Variants in BLTP2 observed in about 807,000 individuals in gnomAD.
The protein encoded by BLTP2 is bridge-like lipid transfer protein family member 2.
chr17:28,620,476 G>A, the BLTP2 span: 1 of 1,612,152 alleles, frequency 6.2e-7, no homozygotes, highest in Non-Finnish European at 8.5e-7. Context: ...TTCCTGTGAG[G>A]CTAACCAGCA....
the BLTP2 span, among the ~76,000 whole-genome samples, chr17:28,628,908 C>T: frequency 6.6e-6 from 1 of 150,854 alleles, no homozygotes; most frequent in Admixed American, 6.6e-5. Context: ...CACTCTAGCC[C>T]AGGCGACAGA....
At chr17:28,637,193 G>A in the BLTP2 span, 1 of 1,606,514 alleles carries the variant, frequency 6.2e-7, no homozygotes, top group African/African-American at 1.3e-5. Flanking sequence ...AACCATGTCA[G>A]CCTTGGTTCC....
At chr17:28,632,334 T>C in the BLTP2 span, 3 of 1,077,526 alleles carry the variant, frequency 2.8e-6, no homozygotes, top group Admixed American at 2.3e-5. Flanking sequence ...GGTTTAAAAA[T>C]CCAAAATCCA....
chr17:28,621,678 C>T, the BLTP2 span, among the ~76,000 whole-genome samples: 1 of 152,178 alleles, frequency 6.6e-6, no homozygotes, highest in Non-Finnish European at 1.5e-5. Context: ...TCTCTTGCCC[C>T]AGTCTACCCA....
the BLTP2 span, chr17:28,617,057 C>T: frequency 6.0e-6 from 8 of 1,344,050 alleles, no homozygotes; most frequent in Non-Finnish European, 8.4e-6. Flanking sequence ...CATAAAGCAA[C>T]CCACAAATCC....
At chr17:28,632,384 C>T in the BLTP2 span, 2 of 644,848 alleles carry the variant, frequency 3.1e-6, no homozygotes, top group Non-Finnish European at 5.3e-6. Flanking sequence ...CCAACTCCCT[C>T]TTCTTTCAAG....
At chr17:28,643,173 G>C in the BLTP2 span, 3 of 1,614,234 alleles carry the variant, frequency 1.9e-6, no homozygotes, top group Non-Finnish European at 2.5e-6. Context: ...CTTGGCAGAA[G>C]ATCTTCAATA....
At chr17:28,643,135 G>A in the BLTP2 span, 1 of 1,614,018 alleles carries the variant, frequency 6.2e-7, no homozygotes, top group Non-Finnish European at 8.5e-7. Flanking sequence ...CCAAAGTACA[G>A]TCCAGGATAG....
the BLTP2 span, among the ~76,000 whole-genome samples, chr17:28,636,452 T>G: frequency 6.6e-6 from 1 of 152,212 alleles, no homozygotes; most frequent in Non-Finnish European, 1.5e-5. Flanking sequence ...AAAAGCCCCT[T>G]ATTTTTCAGA....
the BLTP2 span, among the ~76,000 whole-genome samples, chr17:28,622,205 A>G: frequency 1.6e-4 from 24 of 152,198 alleles, no homozygotes; most frequent in African/African-American, 5.3e-4. Flanking sequence ...CTGCATGGGT[A>G]GTTAACACCT....
the BLTP2 span, chr17:28,618,831 C>G: frequency 6.2e-7 from 1 of 1,614,058 alleles, no homozygotes; most frequent in Non-Finnish European, 8.5e-7. Context: ...TTCAGCAATT[C>G]CCAGCTGTCC....
the BLTP2 span, chr17:28,619,879 T>C: frequency 6.2e-6 from 10 of 1,613,868 alleles, no homozygotes; most frequent in African/African-American, 1.3e-5. Flanking sequence ...AGAATACATC[T>C]GCTTCTCCAG....
the BLTP2 span, chr17:28,615,885 G>T: frequency 7.0e-7 from 1 of 1,429,850 alleles, no homozygotes; most frequent in South Asian, 1.2e-5. Context: ...CCACTTGAGT[G>T]CCAAGTCCTA....
the BLTP2 span, among the ~76,000 whole-genome samples, chr17:28,629,434 G>A: frequency 6.6e-6 from 1 of 151,860 alleles, no homozygotes; most frequent in African/African-American, 2.4e-5. Flanking sequence ...GGGATTACAG[G>A]TATGTGCTAC....
chr17:28,628,897 G>A, the BLTP2 span, among the ~76,000 whole-genome samples: 4 of 151,252 alleles, frequency 2.6e-5, no homozygotes, highest in African/African-American at 9.7e-5. Flanking sequence ...TCACACCACT[G>A]CACTCTAGCC....
chr17:28,635,032 T>C, the BLTP2 span: 7 of 1,613,398 alleles, frequency 4.3e-6, no homozygotes, highest in South Asian at 1.1e-5. Flanking sequence ...AGTCCCTTGA[T>C]GTAGTCCCTT....
chr17:28,633,656 C>G, the BLTP2 span: 1 of 1,614,100 alleles, frequency 6.2e-7, no homozygotes, highest in Non-Finnish European at 8.5e-7. Flanking sequence ...CTGGGGTCAG[C>G]TGAGGGCTTG....
At chr17:28,618,429 T>C in the BLTP2 span, among the ~76,000 whole-genome samples, 1 of 151,976 alleles carries the variant, frequency 6.6e-6, no homozygotes, top group Admixed American at 6.6e-5. Flanking sequence ...TTTTTAAAAT[T>C]TTTGTTGAAC....
At chr17:28,617,118 C>T in the BLTP2 span, 1 of 1,183,828 alleles carries the variant, frequency 8.4e-7, no homozygotes, top group Non-Finnish European at 1.2e-6. Context: ...GGCAAGCTTT[C>T]ACCCTCTCAG....
Sources: gnomAD v4.1 joint callset for allele counts (sites outside exome capture counted in the v4.1 genomes callset) on GRCh38, gnomAD v4.1.1 for gene constraint, MANE v1.5 for transcripts, NCBI Gene and HGNC (gene_info 2026-07-23, HGNC 2026-07-21) for gene names.